TARS2: variants seen among roughly 807,000 people sequenced by gnomAD.
TARS2 encodes the protein threonyl-tRNA synthetase 2, mitochondrial, also known as threonine--tRNA ligase, mitochondrial.
In TARS2, 61 loss-of-function variants were observed where a neutral mutation model predicts 94.4. That is an observed-to-expected ratio of 0.65 (90% CI 0.53 to 0.80). The LOEUF (loss-of-function observed/expected upper bound fraction) is 0.80, where lower values mean the gene tolerates loss of function less well. Ranked by LOEUF, TARS2 falls within the 30% of genes least tolerant of loss-of-function variation. The pLI is 0.00. For missense variants in TARS2, 704 were observed against 902.5 expected (o/e 0.78, Z 2.82); for synonymous variants, 359 against 353.4 (o/e 1.02, Z -0.18).
At position 150,498,653 on chromosome 1, in the gene TARS2, A is replaced by G; in HGVS notation, c.1390A>G (p.Thr464Ala). The change falls in exon 11 of 18, where the codon ACA (threonine) becomes GCA (alanine). Residue 464 changes from threonine to alanine, a missense_variant. Physicochemically the swap from Thr to Ala is moderately conservative, Grantham distance 58. Coordinates refer to ENST00000369064, the MANE Select transcript of TARS2 (RefSeq NM_025150.5). ...FQQDDAHIFC[T>A]TDQLEAEIQS... ...GCAGGATGACGCTCACATCTTCTGTACAACAGATCAGGTGGCCTTTCCCTG... is the reference window on the plus strand; with the variant it reads ...GCAGGATGACGCTCACATCTTCTGTGCAACAGATCAGGTGGCCTTTCCCTG... 6.2e-7 allele frequency: 1 copy of G among 1,613,436 alleles called. No individual in the cohort carries two copies. The highest frequency in any genetic ancestry group is 8.5e-7 in the Non-Finnish European group (1 of 1,179,816).
In TARS2 at chr1:150,504,400, C is replaced by T; in HGVS notation, c.1683C>T (p.Phe561=). 6.2e-7 allele frequency: 1 copy of T among 1,614,130 alleles called. No individual in the cohort carries two copies. Among genetic ancestry groups the T allele is most frequent in the Non-Finnish European group, 8.5e-7 (1 of 1,180,032 alleles). Residue 561 remains phenylalanine (F), a synonymous_variant, in exon 14 of 18, where the codon TTC becomes TTT. Coordinates refer to ENST00000369064, the MANE Select transcript of TARS2 (RefSeq NM_025150.5). The stretch of plus-strand genomic sequence containing the variant: ...AGTGTGGGACAATTCAGCTTGACTT[C>T]CAACTGCCCCTGAGATTTGACCTCC... ...PHQCGTIQLD[F]QLPLRFDLQY... is the part of the protein sequence containing the mutation.
Position 150,496,793 on chromosome 1 carries a change from G to A in TARS2, c.922-17G>A. ...CTTGCCCTTGAGGTGACCCAATATT[G>A]CTATTCCTGACCCCAGGAACAGGAG... On this transcript the variant is annotated splice_polypyrimidine_tract_variant and intron_variant, in intron 8 of 17. Transcript: ENST00000369064. 2 of 1,613,184 alleles carry A rather than the reference G, an allele frequency of 1.2e-6. No homozygotes were observed. Among genetic ancestry groups the A allele is most frequent in the South Asian group, 1.1e-5 (1 of 91,030 alleles).
intron 13 of TARS2, among the ~76,000 whole-genome samples, chr1:150,502,935 G>T (rs1434634802): frequency 6.6e-6 from 1 of 152,144 alleles, no homozygotes; most frequent in African/African-American, 2.4e-5. Context: ...ATTGAGAGAG[G>T]TTAAACAATG....
chr1:150,506,832 G>T, intron 17 of TARS2, 84 bp from the exon 18 acceptor site: 4 of 1,568,794 alleles, frequency 2.5e-6, no homozygotes, highest in Non-Finnish European at 3.5e-6. Flanking sequence ...AAAGATTTAG[G>T]TCTCTCAAGT....
chr1:150,502,926 TTGAG>T (rs1669990363), intron 13 of TARS2, among the ~76,000 whole-genome samples: 1 of 152,108 alleles, frequency 6.6e-6, no homozygotes, highest in Non-Finnish European at 1.5e-5. Flanking sequence ...AAGAAAAAAA[TTGAG>T]AGAGGTTAAA....
intron 7 of TARS2, among the ~76,000 whole-genome samples, chr1:150,494,519 C>T (rs587702698): frequency 2.0e-5 from 3 of 152,192 alleles, no homozygotes; most frequent in East Asian, 3.9e-4. Context: ...TTGGGCGGAT[C>T]ACTTGAGCTC....
At chr1:150,489,195 G>A in intron 3 of TARS2, 108 bp downstream of exon 3, 1 of 1,527,034 alleles carries the variant, frequency 6.5e-7, no homozygotes, top group African/African-American at 1.4e-5. Context: ...TTTGCAGTTG[G>A]GAGGGAGACC....
intron 10 of TARS2, among the ~76,000 whole-genome samples, chr1:150,498,092 CAAAAA>C (rs375222621): frequency 3.2e-4 from 23 of 70,840 alleles, no homozygotes; most frequent in African/African-American, 1.2e-3. Flanking sequence ...GACTCCATCT[CAAAAA>C]AAAAAAAAAA....
At chr1:150,506,482 GCGCGCA>G (rs1215876506) in intron 17 of TARS2, among the ~76,000 whole-genome samples, 13 of 29,966 alleles carry the variant, frequency 4.3e-4, no homozygotes, top group Admixed American at 4.1e-3. Context: ...TCAGACACGC[GCGCGCA>G]CACACACACA....
chr1:150,503,368 C>T (rs749671760), intron 13 of TARS2, among the ~76,000 whole-genome samples: 5 of 151,806 alleles, frequency 3.3e-5, no homozygotes, highest in Non-Finnish European at 7.4e-5. Context: ...GTTAAAGAAC[C>T]GGTGGGTTGA....
At chr1:150,496,456 C>T (rs781717428) in intron 7 of TARS2, 26 bp from the exon 8 acceptor site, 14 of 1,575,714 alleles carry the variant, frequency 8.9e-6, no homozygotes, top group Admixed American at 3.6e-5. Flanking sequence ...CTCATCTTTC[C>T]TTTGATCCCC....
At chr1:150,488,912 TTG>T (rs1669261410) in intron 2 of TARS2, 50 bp from the exon 3 acceptor site, 1 of 1,585,824 alleles carries the variant, frequency 6.3e-7, no homozygotes, top group African/African-American at 1.4e-5. Flanking sequence ...ATTTTCCTTT[TTG>T]TGCCTTGTAA....
At chr1:150,505,761 TAAGTTTACC>T (rs756694626) in intron 17 of TARS2, 56 bp downstream of exon 17, 1 of 1,537,628 alleles carries the variant, frequency 6.5e-7, no homozygotes, top group Non-Finnish European at 8.9e-7. Flanking sequence ...TTCTTGCTGT[TAAGTTTACC>T]AAGTCTGGTA....
At chr1:150,490,466 GATCCCCATTTTGT>G in intron 3 of TARS2, 122 bp from the exon 4 acceptor site, 1 of 1,345,388 alleles carries the variant, frequency 7.4e-7, no homozygotes, top group Non-Finnish European at 1.0e-6. Flanking sequence ...CAAAATCTAG[GATCCCCATTTTGT>G]GGTAGTTATT....
chr1:150,503,726 CAT>C (rs1367306530), intron 13 of TARS2, among the ~76,000 whole-genome samples: 3 of 146,098 alleles, frequency 2.1e-5, no homozygotes, highest in Non-Finnish European at 3.0e-5. Context: ...CACACACACA[CAT>C]ATACACACAC....
chr1:150,503,635 GTGTGTATATA>G (rs1670051061), intron 13 of TARS2, among the ~76,000 whole-genome samples: 4 of 112,690 alleles, frequency 3.5e-5, no homozygotes, highest in South Asian at 4.9e-4. Flanking sequence ...GTATATATGT[GTGTGTATATA>G]TGTGTGTATA....
chr1:150,504,814 G>A (rs910167600), intron 15 of TARS2, 81 bp downstream of exon 15: 1 of 1,606,094 alleles, frequency 6.2e-7, no homozygotes, highest in Non-Finnish European at 8.5e-7. Flanking sequence ...TCATATGCCA[G>A]CCTCTTTCCT....
chr1:150,490,578 G>A (rs1185637579), intron 3 of TARS2, 23 bp from the exon 4 acceptor site: 1 of 1,608,312 alleles, frequency 6.2e-7, no homozygotes, highest in Admixed American at 1.7e-5. Context: ...ATGAACTTGT[G>A]AACCCCTTTT....
chr1:150,506,667 C>T (rs1331484656), intron 17 of TARS2, among the ~76,000 whole-genome samples: 3 of 151,658 alleles, frequency 2.0e-5, no homozygotes, highest in Admixed American at 6.6e-5. Context: ...ATGTCTCTGA[C>T]CCTGGGGCTC....
Sources: gnomAD v4.1 joint callset for allele counts (sites outside exome capture counted in the v4.1 genomes callset) on GRCh38, gnomAD v4.1.1 for gene constraint, MANE v1.5 for transcripts, NCBI Gene and HGNC (gene_info 2026-07-23, HGNC 2026-07-21) for gene names.